Variants in MAPK10 observed in about 807,000 individuals in gnomAD.
The protein encoded by MAPK10 is JNK3 alpha protein kinase.
MAPK10 carries 25 observed loss-of-function variants against 59.3 expected under a neutral mutation model. That is an observed-to-expected ratio of 0.42 (90% CI 0.31 to 0.59). The LOEUF (loss-of-function observed/expected upper bound fraction) is 0.59, where lower values mean the gene tolerates loss of function less well. Ranked by LOEUF, MAPK10 falls within the 20% of genes least tolerant of loss-of-function variation. MAPK10 has a pLI of 0.15. For missense variants in MAPK10, 351 were observed against 568.9 expected (o/e 0.62, Z 3.90); for synonymous variants, 190 against 200.5 (o/e 0.95, Z 0.44).
chr4:86,073,357 C>T (rs1439476250), intron 9 of MAPK10, among the ~76,000 whole-genome samples: 8 of 151,908 alleles, frequency 5.3e-5, no homozygotes, highest in Admixed American at 3.3e-4. Flanking sequence ...CCTGGATTCA[C>T]TGATCTTTTG....
chr4:86,385,661 A>G (rs1185126193), intron 1 of MAPK10, among the ~76,000 whole-genome samples: 1 of 152,212 alleles, frequency 6.6e-6, no homozygotes, highest in African/African-American at 2.4e-5. Context: ...TGAGGTTTAA[A>G]CTTGTAAAAA....
chr4:86,457,724 C>T (rs1175980545), upstream of MAPK10, among the ~76,000 whole-genome samples: 1 of 152,056 alleles, frequency 6.6e-6, no homozygotes, highest in Admixed American at 6.6e-5. Context: ...GTGAAAATGA[C>T]CATACTGCCA....
chr4:86,322,166 T>C (rs1240952274), intron 2 of MAPK10: 4 of 152,240 alleles, frequency 2.6e-5, no homozygotes, highest in African/African-American at 9.6e-5. Context: ...CACTGTAGCA[T>C]GTTTTGTGTC....
intron 11 of MAPK10, among the ~76,000 whole-genome samples, chr4:86,062,226 G>C (rs1423185817): frequency 1.3e-5 from 2 of 152,072 alleles, no homozygotes; most frequent in Non-Finnish European, 2.9e-5. Context: ...GTACTTGCTT[G>C]TTCTGTGCAT....
At chr4:86,588,124 T>G (rs1433563153) in intron 1 of MAPK10, among the ~76,000 whole-genome samples, 1 of 152,150 alleles carries the variant, frequency 6.6e-6, no homozygotes, top group African/African-American at 2.4e-5. Context: ...TGGTTGTCCA[T>G]GGGTCCAACA....
intron 13 of MAPK10, among the ~76,000 whole-genome samples, chr4:86,021,667 G>T (rs1746991869): frequency 6.6e-6 from 1 of 152,244 alleles, no homozygotes; most frequent in Admixed American, 6.5e-5. Flanking sequence ...GGTGGTGCTC[G>T]TCGGGGAGGC....
intron 3 of MAPK10, among the ~76,000 whole-genome samples, chr4:86,167,635 G>T (rs1281058618): frequency 6.6e-6 from 1 of 152,186 alleles, no homozygotes; most frequent in African/African-American, 2.4e-5. Context: ...TATCTCAATA[G>T]ATGCAGAAAA....
At chr4:86,296,969 G>A (rs1288469088) in intron 2 of MAPK10, among the ~76,000 whole-genome samples, 3 of 152,120 alleles carry the variant, frequency 2.0e-5, no homozygotes, top group African/African-American at 7.2e-5. Flanking sequence ...ATCAAACTTC[G>A]TGTGCATCAG....
intron 2 of MAPK10, among the ~76,000 whole-genome samples, chr4:86,316,180 G>GAA (rs1275165842): frequency 2.6e-5 from 4 of 151,942 alleles, no homozygotes; most frequent in Non-Finnish European, 4.4e-5. Flanking sequence ...ATACAACAAA[G>GAA]AAAAAGAGAT....
At chr4:86,130,645 ATG>A (rs1288458960) in intron 4 of MAPK10, among the ~76,000 whole-genome samples, 1 of 152,158 alleles carries the variant, frequency 6.6e-6, no homozygotes, top group Non-Finnish European at 1.5e-5. Flanking sequence ...AGGGATTCAG[ATG>A]TTAGTCCATG....
chr4:86,200,121 T>C (rs2082282837), intron 2 of MAPK10, among the ~76,000 whole-genome samples: 2 of 152,098 alleles, frequency 1.3e-5, no homozygotes, highest in Admixed American at 1.3e-4. Flanking sequence ...AGGGATTTTA[T>C]GTATAATTTT....
chr4:86,510,710 A>G (rs1756162625), intron 1 of MAPK10, among the ~76,000 whole-genome samples: 1 of 152,200 alleles, frequency 6.6e-6, no homozygotes, highest in South Asian at 2.1e-4. Flanking sequence ...GCCATTAATA[A>G]AGAGTAAAAT....
intron 3 of MAPK10, among the ~76,000 whole-genome samples, chr4:86,165,451 T>C (rs7696982): frequency 0.085 from 12,836 of 151,828 alleles, 1,198 homozygotes; most frequent in African/African-American, 0.23. Flanking sequence ...AATCATGGTT[T>C]GCTGCAGCCT....
intron 1 of MAPK10, among the ~76,000 whole-genome samples, chr4:86,387,967 G>GA (rs1285206970): frequency 6.8e-6 from 1 of 147,906 alleles, no homozygotes; most frequent in South Asian, 2.1e-4. Context: ...AAAGTATCCA[G>GA]AAAAAATAAT....
At chr4:86,289,327 T>C (rs772080356) in intron 2 of MAPK10, among the ~76,000 whole-genome samples, 1 of 152,106 alleles carries the variant, frequency 6.6e-6, no homozygotes, top group Non-Finnish European at 1.5e-5. Context: ...GGTTTGCTTC[T>C]GAAGGATGCA....
chr4:86,560,922 G>A (rs950915092), intron 1 of MAPK10, among the ~76,000 whole-genome samples: 1 of 152,230 alleles, frequency 6.6e-6, no homozygotes, highest in African/African-American at 2.4e-5. Context: ...CAGAAATAGA[G>A]CAAAGCATAG....
intron 2 of MAPK10, among the ~76,000 whole-genome samples, chr4:86,214,173 T>A (rs2086681383): frequency 6.6e-6 from 1 of 152,040 alleles, no homozygotes; most frequent in Admixed American, 6.6e-5. Context: ...TTGACAAAAT[T>A]CAACACCCTT....
At chr4:86,494,704 G>T (rs1043783793) in intron 1 of MAPK10, among the ~76,000 whole-genome samples, 2 of 151,662 alleles carry the variant, frequency 1.3e-5, no homozygotes, top group Admixed American at 6.6e-5. Context: ...CTAGCTGGCC[G>T]TGGTGGCGGG....
At chr4:86,425,950 G>A (rs889891357) in intron 1 of MAPK10, among the ~76,000 whole-genome samples, 2 of 152,106 alleles carry the variant, frequency 1.3e-5, no homozygotes, top group Non-Finnish European at 2.9e-5. Flanking sequence ...CAGCCTGGGC[G>A]ACAGAGAGAG....
Sources: gnomAD v4.1 joint callset for allele counts (sites outside exome capture counted in the v4.1 genomes callset) on GRCh38, gnomAD v4.1.1 for gene constraint, MANE v1.5 for transcripts, NCBI Gene and HGNC (gene_info 2026-07-23, HGNC 2026-07-21) for gene names.